Variants in PTPRD observed in about 807,000 individuals in gnomAD.
PTPRD encodes the protein receptor-type tyrosine-protein phosphatase delta.
A neutral mutation model predicts 214.5 loss-of-function variants in PTPRD; 34 were observed. The ratio of observed to expected loss-of-function variants is 0.16; its 90% CI spans 0.12 to 0.21. The LOEUF (loss-of-function observed/expected upper bound fraction) is 0.21. Ranked by LOEUF, PTPRD falls within the 10% of genes least tolerant of loss-of-function variation. The pLI is 1.00. For synonymous variants in PTPRD, 1,128 were observed against 845.7 expected, an observed-to-expected ratio of 1.33 and a Z score of -5.79; for missense variants, 2,545 against 2,398.7, an observed-to-expected ratio of 1.06 and a Z score of -1.27.
At chr9:10,260,586 C>T (rs1429096816) in intron 3 of PTPRD, among the ~76,000 whole-genome samples, 2 of 152,110 alleles carry the variant, frequency 1.3e-5, no homozygotes, top group Non-Finnish European at 2.9e-5. Flanking sequence ...TCCATGTCCT[C>T]AAGAATTGAG....
chr9:8,869,802 A>G (rs1054109091), intron 11 of PTPRD, among the ~76,000 whole-genome samples: 3 of 151,662 alleles, frequency 2.0e-5, no homozygotes, highest in Non-Finnish European at 2.9e-5. Context: ...TCTGCTCTGC[A>G]CAGCTGGTTT....
At chr9:9,786,373 G>A (rs75063608) in intron 5 of PTPRD, among the ~76,000 whole-genome samples, 36 of 152,260 alleles carry the variant, frequency 2.4e-4, no homozygotes, top group East Asian at 1.2e-3. Flanking sequence ...TATTAGCATC[G>A]AGAGAGTATC....
intron 10 of PTPRD, among the ~76,000 whole-genome samples, chr9:9,085,581 T>C (rs924346085): frequency 6.6e-6 from 1 of 151,886 alleles, no homozygotes; most frequent in Admixed American, 6.6e-5. Context: ...AAATAAATGG[T>C]CACATTAGCA....
intron 5 of PTPRD, among the ~76,000 whole-genome samples, chr9:9,873,316 G>A (rs1379370628): frequency 2.0e-5 from 3 of 152,036 alleles, no homozygotes; most frequent in Non-Finnish European, 4.4e-5. Flanking sequence ...TGGCTAACCT[G>A]CACCTCTCCT....
chr9:9,810,133 T>TAAAA lies in PTPRD; in HGVS notation c.-367-43286_-367-43283dup, dbSNP rs3050106. Among the ~76,000 whole-genome samples, 103 of 108,496 alleles carry TAAAA rather than the reference T, an allele frequency of 9.5e-4. 3 individuals are homozygous for TAAAA. The East Asian group carries it at 9.5e-3, about 10-fold the overall frequency. 71.2% of individuals were successfully genotyped at this position (108,496 alleles called of 152,430 possible). ...ACCCTATCATGATCTACTTCCAGGT[T>TAAAA]AAAAAAAAAAAAAAAAGCAAATATA... On this transcript the variant is annotated intron_variant, in intron 5 of 45. Transcript: ENST00000381196.
intron 9 of PTPRD, among the ~76,000 whole-genome samples, chr9:9,296,064 T>C (rs1952913009): frequency 6.6e-6 from 1 of 151,784 alleles, no homozygotes; most frequent in African/African-American, 2.4e-5. Context: ...ATCGGGCACA[T>C]TCTCAGCTTT....
At chr9:9,234,088 G>T (rs912500002) in intron 9 of PTPRD, among the ~76,000 whole-genome samples, 35 of 152,292 alleles carry the variant, frequency 2.3e-4, no homozygotes, top group African/African-American at 8.2e-4. Flanking sequence ...CTCCATGAGG[G>T]CTCAGCCCCT....
At chr9:8,772,044 T>G (rs1051189826) in intron 11 of PTPRD, among the ~76,000 whole-genome samples, 29 of 152,118 alleles carry the variant, frequency 1.9e-4, no homozygotes, top group African/African-American at 7.0e-4. Flanking sequence ...ATTATATGCC[T>G]GTAAAAACTA....
rs1200245236 is a variant in PTPRD at position 8,440,006 on chromosome 9, T to C, written c.3989-3317A>G. ...AGACCAATTAATTCAGGTCTGTGGA[T>C]GTGGGAGCTATATATTGATATTTTT... On this transcript the variant is annotated intron_variant, in intron 34 of 45. Transcript: ENST00000381196. Among the ~76,000 whole-genome samples the C allele has an allele frequency of 5.6e-5, 8 of 142,978 alleles. No individual in the cohort carries two copies. The Admixed American group carries it at 6.0e-4, about 11-fold the overall frequency. 93.8% of individuals were successfully genotyped at this position (142,978 alleles called of 152,430 possible). A position where few individuals can be genotyped will look rare whatever the true frequency, so the allele number is the denominator to read the frequency against.
intron 4 of PTPRD, among the ~76,000 whole-genome samples, chr9:9,940,014 A>T (rs1225496915): frequency 1.3e-5 from 2 of 152,190 alleles, no homozygotes; most frequent in African/African-American, 4.8e-5. Context: ...GTGAAAACAG[A>T]TGGCACTTTC....
chr9:9,784,329 G>GA (rs1253000801), intron 5 of PTPRD, among the ~76,000 whole-genome samples: 4 of 151,734 alleles, frequency 2.6e-5, no homozygotes, highest in Admixed American at 2.0e-4. Context: ...TGAATATTAA[G>GA]AAAAAAATCT....
intron 14 of PTPRD, among the ~76,000 whole-genome samples, chr9:8,601,658 T>G (rs1476781041): frequency 6.6e-6 from 1 of 152,138 alleles, no homozygotes; most frequent in Non-Finnish European, 1.5e-5. Flanking sequence ...CATCTACAAG[T>G]CTCCAAGAAC....
At chr9:9,030,323 T>C (rs976340450) in intron 10 of PTPRD, among the ~76,000 whole-genome samples, 18 of 147,066 alleles carry the variant, frequency 1.2e-4, no homozygotes, top group African/African-American at 4.6e-4. Context: ...ATATCTTTAT[T>C]CTTTTCTCAT....
intron 9 of PTPRD, among the ~76,000 whole-genome samples, chr9:9,213,441 C>A (rs145017342): frequency 1.3e-5 from 2 of 152,100 alleles, no homozygotes; most frequent in Non-Finnish European, 2.9e-5. Flanking sequence ...TTGCTAAATG[C>A]AATACATTGT....
chr9:8,561,415 C>A (rs2086277233), intron 14 of PTPRD, among the ~76,000 whole-genome samples: 1 of 152,194 alleles, frequency 6.6e-6, no homozygotes, highest in Non-Finnish European at 1.5e-5. Flanking sequence ...CCTCACCCTT[C>A]AACTGTCAGC....
At chr9:9,494,536 C>T (rs1334781891) in intron 8 of PTPRD, among the ~76,000 whole-genome samples, 1 of 152,158 alleles carries the variant, frequency 6.6e-6, no homozygotes, top group Admixed American at 6.5e-5. Context: ...TTTGCAAAGT[C>T]AGCACATAAA....
chr9:9,273,206 C>T (rs1330949412), intron 9 of PTPRD, among the ~76,000 whole-genome samples: 3 of 151,156 alleles, frequency 2.0e-5, no homozygotes, highest in African/African-American at 7.3e-5. Flanking sequence ...TTCCAAGTTG[C>T]TAGTAAATTC....
In PTPRD at chr9:8,826,409, C is replaced by T. The variant is rs527870444; in HGVS notation, c.-103-92463G>A. Among the ~76,000 whole-genome samples, 45 of 152,310 alleles carry T rather than the reference C, an allele frequency of 3.0e-4. 2 individuals carry two copies. The South Asian group carries it at 8.7e-3, about 29-fold the overall frequency. On this transcript the variant is annotated intron_variant, in intron 11 of 45. Transcript: ENST00000381196. ...TCTCATTACCAAAGCCCTGAGCCAT[C>T]AGACCTCCTGACCATTTTTCTCCAA... is the stretch of plus-strand genomic sequence containing the variant.
rs189797953 is a variant in PTPRD, at chr9:10,519,856, T to C, written c.-600+92542A>G. 1.9e-3 allele frequency among the ~76,000 whole-genome samples: 292 copies of C among 152,224 alleles called. 2 individuals are homozygous for C. Among genetic ancestry groups the C allele is most frequent in the African/African-American group, 6.8e-3 (284 of 41,524 alleles). On this transcript the variant is annotated intron_variant, in intron 2 of 45. Coordinates refer to ENST00000381196, the MANE Select transcript of PTPRD (RefSeq NM_002839.4). ...CAGTAAACTTGATTAACTAATGTTA[T>C]GTGTGTTCCGACTGTTCCAAAGTCC...
Sources: gnomAD v4.1 joint callset for allele counts (sites outside exome capture counted in the v4.1 genomes callset) on GRCh38, gnomAD v4.1.1 for gene constraint, MANE v1.5 for transcripts, NCBI Gene and HGNC (gene_info 2026-07-23, HGNC 2026-07-21) for gene names.